The following NYNRIN variants were observed in gnomAD, a reference collection of about 807,000 sequenced individuals.
NYNRIN encodes the protein NYN domain and retroviral integrase containing, also known as protein NYNRIN.
Under a neutral mutation model 146.6 loss-of-function variants are expected in NYNRIN, and 86 were observed. That is an observed-to-expected ratio of 0.59 (90% CI 0.49 to 0.70). The LOEUF is 0.70. NYNRIN is among the 30% of genes least tolerant of loss of function. The pLI is 0.00. For synonymous variants in NYNRIN, 1,027 were observed against 1,001.3 expected, an observed-to-expected ratio of 1.03 and a Z score of -0.48; for missense variants, 2,191 against 2,377.7, an observed-to-expected ratio of 0.92 and a Z score of 1.63.
In NYNRIN at chr14:24,409,811, A is replaced by G; in HGVS notation, c.2017A>G (p.Arg673Gly). The change falls in exon 4 of 9, where the codon AGA becomes GGA. Residue 673 changes from arginine to glycine, a missense_variant. Coordinates refer to ENST00000382554, the MANE Select transcript of NYNRIN (RefSeq NM_025081.3). ...AGCTCCCAAAGTACCTGTGACCCCC[A>G]GAGTCTCCAGAGCTCCCAAAACACC... ...PAAPKVPVTP[R>G]VSRAPKTPAA... is the part of the protein sequence containing the mutation. 3 of 1,613,360 alleles carry G rather than the reference A, an allele frequency of 1.9e-6. No homozygotes were observed. The highest frequency in any genetic ancestry group is 2.5e-6 in the Non-Finnish European group (3 of 1,179,614).
rs368816036 is a variant in NYNRIN at position 24,416,339 on chromosome 14, G to A, written c.4590G>A (p.Lys1530=). 193 of 1,613,724 alleles carry A rather than the reference G, an allele frequency of 1.2e-4. 1 individual carries two copies. In the East Asian group the frequency reaches 2.5e-3, roughly 20 times the overall value. The stretch of plus-strand genomic sequence containing the variant: ...TGCTTATGTTCAAGGGAGATAAGAA[G>A]CCCAGGGTCTGGGTAGTCCCGACGC... ...SGLLMFKGDK[K]PRVWVVPTQL... The change falls in exon 9 of 9, where the codon AAG becomes AAA. Residue 1530 remains lysine (K), a synonymous_variant. Coordinates refer to ENST00000382554, the MANE Select transcript of NYNRIN (RefSeq NM_025081.3).
Position 24,408,836 on chromosome 14 carries a change from A to G in NYNRIN, c.1042A>G (p.Lys348Glu). 1 of 1,614,020 alleles carries G rather than the reference A, an allele frequency of 6.2e-7. No individual in the cohort carries two copies. Among genetic ancestry groups the G allele is most frequent in the Non-Finnish European group, 8.5e-7 (1 of 1,179,880 alleles). ...AGCCCTGGGTGTGTGCCCACCCTGG[A>G]AGGCCTGGACCCCGGGGCCAGCCTT... is the stretch of plus-strand genomic sequence containing the variant. ...VSALGVCPPW[K>E]AWTPGPAFGP... Residue 348 changes from lysine to glutamate, a missense_variant, in exon 4 of 9, where the codon AAG (lysine) becomes GAG (glutamate). Lys to Glu is a moderately conservative substitution (Grantham distance 56). Coordinates refer to ENST00000382554, the MANE Select transcript of NYNRIN (RefSeq NM_025081.3).
rs1411379756 is a variant in NYNRIN, at chr14:24,414,777, A to C, written c.3028A>C (p.Thr1010Pro). The C allele has an allele frequency of 6.2e-7, 1 of 1,613,880 alleles. No individual in the cohort carries two copies. Among genetic ancestry groups the C allele is most frequent in the Non-Finnish European group, 8.5e-7 (1 of 1,179,834 alleles). Residue 1010 changes from threonine (T) to proline (P), a missense_variant, in exon 9 of 9, where the codon ACA (threonine) becomes CCA (proline). Physicochemically the swap from Thr to Pro is conservative, Grantham distance 38 (BLOSUM62 -1). This residue lies in a region of NYNRIN where 1,291 missense variants were observed against 1,417.0 expected (regional missense o/e 0.91). Coordinates refer to ENST00000382554, the MANE Select transcript of NYNRIN (RefSeq NM_025081.3). ...QDEEQRQGQG[T>P]QKAAEEDDLD... ...TGAGGAGCAGAGACAGGGGCAGGGC[A>C]CACAGAAGGCGGCTGAGGAGGACGA...
chr14:24,415,959 C>T lies in NYNRIN; in HGVS notation c.4210C>T (p.Pro1404Ser), dbSNP rs1394728713. ...GGGCTTCCTCTCCTCTGATGGGGCT[C>T]CACTCCCTCACCCAAGCCTGCTCTC... ...ARGFLSSDGA[P>S]LPHPSLLSYI... The change falls in exon 9 of 9, where the codon CCA becomes TCA. Residue 1404 changes from proline (P) to serine (S), a missense_variant. Transcript: ENST00000382554. 1 of 1,613,870 alleles carries T rather than the reference C, an allele frequency of 6.2e-7. No homozygotes were observed. The highest frequency in any genetic ancestry group is 8.5e-7 in the Non-Finnish European group (1 of 1,179,868).
rs1594743315 is a variant in NYNRIN at position 24,415,738 on chromosome 14, A to G, written c.3989A>G (p.Tyr1330Cys). 3.1e-6 allele frequency: 5 copies of G among 1,613,470 alleles called. No individual in the cohort carries two copies. The highest frequency in any genetic ancestry group is 3.3e-5 in the Admixed American group (2 of 59,996). The change falls in exon 9 of 9, where the codon TAT becomes TGT. Residue 1330 changes from tyrosine (Y) to cysteine (C), a missense_variant. This residue lies in a region of NYNRIN where 1,291 missense variants were observed against 1,417.0 expected (regional missense o/e 0.91). Coordinates refer to ENST00000382554, the MANE Select transcript of NYNRIN (RefSeq NM_025081.3). ...EDEWCAGFGL[Y>C]VLSPTSPPVS... ...GAGTGGTGTGCTGGCTTTGGTCTCT[A>G]TGTTCTATCGCCCACCAGCCCCCCT...
At position 24,416,925 on chromosome 14, in the gene NYNRIN, C is replaced by T; in HGVS notation, c.5176C>T (p.Leu1726Phe). 6.3e-7 allele frequency: 1 copy of T among 1,597,010 alleles called. No individual in the cohort carries two copies. Among genetic ancestry groups the T allele is most frequent in the Non-Finnish European group, 8.5e-7 (1 of 1,170,012 alleles). ...GGCCTACTGGGAATTCAAGAGGGCC[C>T]TCAAGGAGTTCATCTTCCTGCATGG... is the stretch of plus-strand genomic sequence containing the variant. The part of the protein sequence containing the change: ...SGAYWEFKRA[L>F]KEFIFLHGKK... The change falls in exon 9 of 9, where the codon CTC becomes TTC. Residue 1726 changes from leucine to phenylalanine, a missense_variant. Physicochemically the swap from Leu to Phe is conservative, Grantham distance 22 (BLOSUM62 0). Transcript: ENST00000382554.
At position 24,417,604 on chromosome 14, in the gene NYNRIN, G is replaced by C. The variant is rs1187845283; in HGVS notation, c.*158G>C. On this transcript the variant is annotated 3_prime_UTR_variant, in exon 9 of 9. Transcript: ENST00000382554. ...GCTTTGCTGAATTGCCTTGAACTAG[G>C]GACCAGCATCCCCATGGAAACATCC... 4.7e-6 allele frequency: 5 copies of C among 1,061,666 alleles called. No homozygotes were observed. In the Admixed American group the frequency reaches 1.4e-4, roughly 30 times the overall value. 65.8% of individuals were successfully genotyped at this position (1,061,666 alleles called of 1,614,324 possible).
Position 24,410,192 on chromosome 14 carries a change from A to C in NYNRIN, c.2398A>C (p.Ser800Arg). Reference protein sequence around the residue: ...QGLRRVVIDGSSVAMVHGLQH... With the variant: ...QGLRRVVIDGRSVAMVHGLQH... Reference sequence around the variant, plus strand: ...GTTGCGGCGAGTGGTCATCGATGGCAGCAGTGTGGCCATGGTGTGAGTAGT... The same window carrying C: ...GTTGCGGCGAGTGGTCATCGATGGCCGCAGTGTGGCCATGGTGTGAGTAGT... The change falls in exon 4 of 9, where the codon AGC (serine) becomes CGC (arginine). Residue 800 changes from serine (S) to arginine (R), a missense_variant. Physicochemically the swap from Ser to Arg is moderately radical, Grantham distance 110. Around this residue, in one of 3 missense-constraint regions of NYNRIN, gnomAD observed 1,291 missense variants for 1,417.0 expected, o/e 0.91. Coordinates refer to ENST00000382554, the MANE Select transcript of NYNRIN (RefSeq NM_025081.3). The C allele has an allele frequency of 6.2e-7, 1 of 1,601,118 alleles. No individual in the cohort carries two copies. The highest frequency in any genetic ancestry group is 2.2e-5 in the East Asian group (1 of 44,698).
At position 24,417,504 on chromosome 14, in the gene NYNRIN, C is replaced by T. The variant is rs1359671254; in HGVS notation, c.*58C>T. ...GCCGTGGGTTTCTGCTGCTAGGCCTCCCCCTGTCCCAGCAGTGCTCTCAGT... is the reference window on the plus strand; with the variant it reads ...GCCGTGGGTTTCTGCTGCTAGGCCTTCCCCTGTCCCAGCAGTGCTCTCAGT... On this transcript the variant is annotated 3_prime_UTR_variant, in exon 9 of 9. Transcript: ENST00000382554. The T allele has an allele frequency of 1.0e-5, 15 of 1,431,336 alleles. No individual in the cohort carries two copies. Among genetic ancestry groups the T allele is most frequent in the East Asian group, 5.0e-5 (2 of 39,816 alleles). 88.7% of individuals were successfully genotyped at this position (1,431,336 alleles called of 1,614,324 possible). A position where few individuals can be genotyped will look rare whatever the true frequency, so the allele number is the denominator to read the frequency against.
intron 6 of NYNRIN, among the ~76,000 whole-genome samples, chr14:24,412,178 A>C (rs929232515): frequency 6.6e-6 from 1 of 152,242 alleles, no homozygotes; most frequent in Non-Finnish European, 1.5e-5. Context: ...AGGGCTGGGC[A>C]GAGAACCTCA....
chr14:24,411,595 G>A lies in NYNRIN; in HGVS notation c.2642+145G>A, dbSNP rs1224133253. 6.9e-6 allele frequency: 5 copies of A among 720,206 alleles called. No individual in the cohort carries two copies. Among genetic ancestry groups the A allele is most frequent in the South Asian group, 1.7e-5 (1 of 60,278 alleles). The allele number at this position is 720,206 out of a possible 1,614,324, so 44.6% of individuals were successfully genotyped here. On this transcript the variant is annotated intron_variant, in intron 6 of 8. Transcript: ENST00000382554. This position sits in a 1 kb window ranked among gnomAD's most constrained non-coding sequence, Gnocchi z 4.3. ...TTGTGCAGAGGGTGGGGTGGAGCACGGGCATCTGTCAGCAGAGGGATGGGC... is the reference window on the plus strand; with the variant it reads ...TTGTGCAGAGGGTGGGGTGGAGCACAGGCATCTGTCAGCAGAGGGATGGGC...
rs929464277 is a variant in NYNRIN at position 24,415,390 on chromosome 14, G to T, written c.3641G>T (p.Trp1214Leu). The T allele has an allele frequency of 6.2e-7, 1 of 1,613,862 alleles. No individual in the cohort carries two copies. Among genetic ancestry groups the T allele is most frequent in the Non-Finnish European group, 8.5e-7 (1 of 1,179,882 alleles). ...SGGDSPYAVA[W>L]ALKHFSRCIG... ...GGTGACAGCCCCTATGCTGTGGCCT[G>T]GGCCCTCAAGCATTTTTCCCGCTGC... The change falls in exon 9 of 9, where the codon TGG becomes TTG. Residue 1214 changes from tryptophan to leucine, a missense_variant. By Grantham distance (61) the Trp-to-Leu change is moderately conservative. Around this residue, in one of 3 missense-constraint regions of NYNRIN, gnomAD observed 1,291 missense variants for 1,417.0 expected, o/e 0.91. Transcript: ENST00000382554.
In NYNRIN at chr14:24,416,211, C is replaced by G; in HGVS notation, c.4462C>G (p.Leu1488Val). 6.2e-7 allele frequency: 1 copy of G among 1,614,022 alleles called. No homozygotes were observed. Among genetic ancestry groups the G allele is most frequent in the Non-Finnish European group, 8.5e-7 (1 of 1,179,898 alleles). Residue 1488 changes from leucine (L) to valine (V), a missense_variant, in exon 9 of 9, where the codon CTG (leucine) becomes GTG (valine). By Grantham distance (32) the Leu-to-Val change is conservative. Around this residue, in one of 3 missense-constraint regions of NYNRIN, gnomAD observed 1,291 missense variants for 1,417.0 expected, o/e 0.91. Transcript: ENST00000382554. ...GGCATTACAGCTGAGTGACAGCACC[C>G]TGGCCGACATCATTGCCAGGCTGCA... is the stretch of plus-strand genomic sequence containing the variant. ...LLALQLSDST[L>V]ADIIARLQAG...
Position 24,409,277 on chromosome 14 carries a change from C to T in NYNRIN, c.1483C>T (p.Pro495Ser), listed in dbSNP as rs774539372. ...STPQLQAGGE[P>S]GDQGSMQLDF... ...ACCCCAACTACAGGCTGGAGGTGAG[C>T]CGGGGGATCAAGGGAGTATGCAGTT... The change falls in exon 4 of 9, where the codon CCG (proline) becomes TCG (serine). Residue 495 changes from proline (P) to serine (S), a missense_variant. Coordinates refer to ENST00000382554, the MANE Select transcript of NYNRIN (RefSeq NM_025081.3). 1.9e-6 allele frequency: 3 copies of T among 1,614,020 alleles called. No individual in the cohort carries two copies. Among genetic ancestry groups the T allele is most frequent in the Non-Finnish European group, 2.5e-6 (3 of 1,179,892 alleles).
chr14:24,415,297 A>G lies in NYNRIN; in HGVS notation c.3548A>G (p.Lys1183Arg). 1 of 1,613,934 alleles carries G rather than the reference A, an allele frequency of 6.2e-7. No individual in the cohort carries two copies. The highest frequency in any genetic ancestry group is 8.5e-7 in the Non-Finnish European group (1 of 1,179,848). ...CTCCATCAGGAGCACTCAGGGAGGA[A>G]GCACCCCATAGCCTATACCTCAAAA... is the stretch of plus-strand genomic sequence containing the variant. ...AILHQEHSGR[K>R]HPIAYTSKPL... Residue 1183 changes from lysine (K) to arginine (R), a missense_variant, in exon 9 of 9, where the codon AAG becomes AGG. Physicochemically the swap from Lys to Arg is conservative, Grantham distance 26. This residue lies in a region of NYNRIN where 1,291 missense variants were observed against 1,417.0 expected (regional missense o/e 0.91). Coordinates refer to ENST00000382554, the MANE Select transcript of NYNRIN (RefSeq NM_025081.3).
In NYNRIN at chr14:24,409,291, G is replaced by A; in HGVS notation, c.1497G>A (p.Gly499=). The change falls in exon 4 of 9, where the codon GGG becomes GGA. Residue 499 remains glycine, a synonymous_variant. Coordinates refer to ENST00000382554, the MANE Select transcript of NYNRIN (RefSeq NM_025081.3). ...CTGGAGGTGAGCCGGGGGATCAAGG[G>A]AGTATGCAGTTAGATTTTAAGGGAC... The part of the protein sequence containing the change: ...LQAGGEPGDQ[G]SMQLDFKGLE... The A allele has an allele frequency of 2.5e-6, 4 of 1,614,062 alleles. No individual in the cohort carries two copies. The highest frequency in any genetic ancestry group is 2.7e-5 in the African/African-American group (2 of 75,070).
At chr14:24,399,162 C>A (rs1441482265) in intron 1 of NYNRIN, 68 bp from the exon 2 acceptor site, 1 of 1,335,658 alleles carries the variant, frequency 7.5e-7, no homozygotes, top group Non-Finnish European at 1.0e-6. Context: ...GCTTAGGCGC[C>A]TGGGGCTGGG....
At chr14:24,412,456 A>G (rs2042918178) in intron 6 of NYNRIN, 1 of 152,572 alleles carries the variant, frequency 6.6e-6, no homozygotes, top group African/African-American at 2.4e-5. Context: ...GTGTGCTTAT[A>G]TGTGTTAGCG....
At chr14:24,399,668 C>T (rs918827002) in intron 2 of NYNRIN, among the ~76,000 whole-genome samples, 1 of 152,080 alleles carries the variant, frequency 6.6e-6, no homozygotes, top group Non-Finnish European at 1.5e-5. Flanking sequence ...TGCCCCACCC[C>T]TTCCCTACGT....
Sources: gnomAD v4.1 joint callset for allele counts (sites outside exome capture counted in the v4.1 genomes callset) on GRCh38, gnomAD v4.1.1 for gene constraint, gnomAD v4.1.1 regional missense constraint, Gnocchi (gnomAD v3.1) non-coding constraint, MANE v1.5 for transcripts, NCBI Gene and HGNC (gene_info 2026-07-23, HGNC 2026-07-21) for gene names.